C2CD2: variants seen among roughly 807,000 people sequenced by gnomAD.
C2CD2 encodes C2 domain-containing protein 2.
C2CD2 carries 43 observed loss-of-function variants against 74.3 expected under a neutral mutation model. The ratio of observed to expected loss-of-function variants is 0.58; its 90% CI spans 0.45 to 0.75. C2CD2 has a LOEUF of 0.75. Among genes scored for constraint, C2CD2 ranks in the 30% least tolerant of loss-of-function variants. The pLI, the probability that C2CD2 is intolerant of heterozygous loss-of-function variation, is 0.00. For synonymous variants in C2CD2, 422 were observed against 390.7 expected, an observed-to-expected ratio of 1.08 and a Z score of -0.94; for missense variants, 801 against 916.3, an observed-to-expected ratio of 0.87 and a Z score of 1.63.
At chr21:41,942,097 C>A (rs941583821) in intron 2 of C2CD2, 50 bp downstream of exon 2, 2 of 1,542,344 alleles carry the variant, frequency 1.3e-6, no homozygotes, top group African/African-American at 2.8e-5. Context: ...ACTCCCCGTC[C>A]CCGGCATCAA....
chr21:41,934,758 A>G (rs2065292238), intron 2 of C2CD2, among the ~76,000 whole-genome samples: 1 of 152,010 alleles, frequency 6.6e-6, no homozygotes, highest in African/African-American at 2.4e-5. Flanking sequence ...CTACCTTTAC[A>G]GGTGAGAAGC....
At chr21:41,953,340 G>T in intron 1 of C2CD2, 30 bp downstream of exon 1, 1 of 1,363,022 alleles carries the variant, frequency 7.3e-7, no homozygotes, top group Non-Finnish European at 9.6e-7. Context: ...GGCATCTGCC[G>T]CCCCCCGGCC....
intron 13 of C2CD2, chr21:41,894,685 G>A: frequency 2.2e-6 from 1 of 456,874 alleles, no homozygotes; most frequent in Non-Finnish European, 4.4e-6. Flanking sequence ...CAGGGGGCAG[G>A]GGAGGAGGAT....
chr21:41,925,730 C>T (rs1405763901), intron 2 of C2CD2, among the ~76,000 whole-genome samples: 1 of 152,186 alleles, frequency 6.6e-6, no homozygotes, highest in Non-Finnish European at 1.5e-5. Flanking sequence ...GGCAGGGCCC[C>T]CACGGGCTGA....
chr21:41,946,138 A>G (rs780275843), intron 1 of C2CD2, among the ~76,000 whole-genome samples: 5 of 152,198 alleles, frequency 3.3e-5, no homozygotes, highest in Non-Finnish European at 5.9e-5. Context: ...AGAGAACTGC[A>G]CCTGCGCCAT....
At chr21:41,928,806 T>G (rs2065239161) in intron 2 of C2CD2, among the ~76,000 whole-genome samples, 1 of 152,102 alleles carries the variant, frequency 6.6e-6, no homozygotes, top group African/African-American at 2.4e-5. Flanking sequence ...AGAGAGGATA[T>G]GGAATAAGGT....
At chr21:41,898,349 G>C (rs955894164) in intron 13 of C2CD2, among the ~76,000 whole-genome samples, 23 of 152,268 alleles carry the variant, frequency 1.5e-4, no homozygotes, top group African/African-American at 4.3e-4. Context: ...GCTGAGGCTC[G>C]GTGAGTCTCA....
chr21:41,890,500 A>T (rs559922459), intron 13 of C2CD2, among the ~76,000 whole-genome samples: 86 of 152,334 alleles, frequency 5.6e-4, no homozygotes, highest in Admixed American at 5.6e-3. Context: ...ACATCCTATT[A>T]ACCAAGGCTG....
Position 41,953,641 on chromosome 21 carries a change from A to T in C2CD2, c.8T>A (p.Met3Lys), listed in dbSNP as rs767787180. 7 of 1,466,650 alleles carry T rather than the reference A, an allele frequency of 4.8e-6. No individual in the cohort carries two copies. In the East Asian group the frequency reaches 1.2e-4, roughly 25 times the overall value. 90.9% of individuals were successfully genotyped at this position (1,466,650 alleles called of 1,614,324 possible). A position where few individuals can be genotyped will look rare whatever the true frequency, so the allele number is the denominator to read the frequency against. The change falls in exon 1 of 14, where the codon ATG (methionine) becomes AAG (lysine). Residue 3 changes from methionine to lysine, a missense_variant. Transcript: ENST00000380486. ...CCCGAGCCACGAGCCCAGCCGGGCCATGGCCATGGCGCATCCCCGGCCCGC... is the reference window on the plus strand; with the variant it reads ...CCCGAGCCACGAGCCCAGCCGGGCCTTGGCCATGGCGCATCCCCGGCCCGC... MA[M>K]ARLGSWLGEA...
rs59346777 is a variant in C2CD2 at position 41,928,544 on chromosome 21, C to CAAAAAAAAAAAAAAAAAA, written c.379-6477_379-6460dup. 1.1e-4 allele frequency among the ~76,000 whole-genome samples: 8 copies of CAAAAAAAAAAAAAAAAAA among 72,266 alleles called. 1 individual carries two copies. Among genetic ancestry groups the CAAAAAAAAAAAAAAAAAA allele is most frequent in the African/African-American group, 3.7e-4 (7 of 18,800 alleles). The allele number at this position is 72,266 out of a possible 152,430, so 47.4% of individuals were successfully genotyped here. A position where few individuals can be genotyped will look rare whatever the true frequency, so the allele number is the denominator to read the frequency against. Reference sequence around the variant, plus strand: ...GAATTTCAAATCATGTAAAGCAAAGCAAAAAAAAAAAAAAAAAAAAAAAAG... The same window carrying CAAAAAAAAAAAAAAAAAA: ...GAATTTCAAATCATGTAAAGCAAAGCAAAAAAAAAAAAAAAAAAAAAAAAAAAAAAAAAAAAAAAAAAG... On this transcript the variant is annotated intron_variant, in intron 2 of 13. Transcript: ENST00000380486.
chr21:41,894,752 C>G (rs1341753607), intron 13 of C2CD2: 2 of 456,792 alleles, frequency 4.4e-6, no homozygotes, highest in South Asian at 3.1e-5. Context: ...ATGGGAAAGC[C>G]TGTTTCGACT....
In C2CD2 at chr21:41,924,266, A is replaced by G. The variant is rs970362392; in HGVS notation, c.379-2181T>C. ...AGCCCTGGGTCCAGCTCTTCCCACC[A>G]GTGGCCCATCCCACTCTGGAACAAA... On this transcript the variant is annotated intron_variant, in intron 2 of 13. Transcript: ENST00000380486. This position sits in a 1 kb window ranked among gnomAD's most constrained non-coding sequence, Gnocchi z 4.4. Among the ~76,000 whole-genome samples, 2 of 152,200 alleles carry G rather than the reference A, an allele frequency of 1.3e-5. No individual in the cohort carries two copies. Among genetic ancestry groups the G allele is most frequent in the Non-Finnish European group, 2.9e-5 (2 of 68,032 alleles).
chr21:41,935,745 G>A (rs1356978363), intron 2 of C2CD2, among the ~76,000 whole-genome samples: 4 of 152,002 alleles, frequency 2.6e-5, no homozygotes, highest in African/African-American at 7.3e-5. Context: ...CCAGCTACTC[G>A]GGAGGCTGAG....
At chr21:41,950,088 G>C (rs190077990) in intron 1 of C2CD2, among the ~76,000 whole-genome samples, 38 of 151,316 alleles carry the variant, frequency 2.5e-4, no homozygotes, top group Non-Finnish European at 3.2e-4. Flanking sequence ...GTATACCTAT[G>C]TAACAACCTG....
At position 41,907,026 on chromosome 21, in the gene C2CD2, G is replaced by A. The variant is rs769197639; in HGVS notation, c.1284C>T (p.Arg428=). Residue 428 remains arginine, a synonymous_variant, in exon 10 of 14, where the codon CGC becomes CGT. Coordinates refer to ENST00000380486, the MANE Select transcript of C2CD2 (RefSeq NM_015500.2). The part of the protein sequence containing the change: ...TTVTAVKTKP[R]VDVGRASPLS... ...GCGGGGACGCCCTCCCCACGTCGAC[G>A]CGAGGCTTGGTCTTCACAGCAGTGA... is the stretch of plus-strand genomic sequence containing the variant. 27 of 1,613,890 alleles carry A rather than the reference G, an allele frequency of 1.7e-5. No homozygotes were observed. Among genetic ancestry groups the A allele is most frequent in the Admixed American group, 6.7e-5 (4 of 59,998 alleles).
chr21:41,915,459 CAG>C (rs1164096682), intron 5 of C2CD2, among the ~76,000 whole-genome samples: 1 of 150,378 alleles, frequency 6.6e-6, no homozygotes, highest in Non-Finnish European at 1.5e-5. Context: ...TTTTTTGAGA[CAG>C]AGTCTCGCTC....
At chr21:41,934,190 G>C (rs558930963) in intron 2 of C2CD2, among the ~76,000 whole-genome samples, 1 of 152,302 alleles carries the variant, frequency 6.6e-6, no homozygotes, top group African/African-American at 2.4e-5. Flanking sequence ...CACTTTGGGA[G>C]GCAGAAGACG....
rs2065245548 is a variant in C2CD2, at chr21:41,929,558, T to TC, written c.379-7474_379-7473insG. On this transcript the variant is annotated intron_variant, in intron 2 of 13. Transcript: ENST00000380486. This position sits in a 1 kb window ranked among gnomAD's most constrained non-coding sequence, Gnocchi z 4.6. The stretch of plus-strand genomic sequence containing the variant: ...TCTCCCTGGCTTCTGAGATGGGCCT[T>TC]TCCCCAGACTAGGTGGGTTATAACT... Among the ~76,000 whole-genome samples the TC allele has an allele frequency of 7.5e-6, 1 of 133,858 alleles. No homozygotes were observed. Among genetic ancestry groups the TC allele is most frequent in the South Asian group, 2.3e-4 (1 of 4,256 alleles). The allele number at this position is 133,858 out of a possible 152,430, so 87.8% of individuals were successfully genotyped here.
intron 1 of C2CD2, among the ~76,000 whole-genome samples, chr21:41,947,206 G>A (rs976474455): frequency 1.5e-5 from 2 of 134,228 alleles, no homozygotes; most frequent in Non-Finnish European, 3.1e-5. Flanking sequence ...TGCCCAGGCT[G>A]GAGTGCAATG....
Sources: gnomAD v4.1 joint callset for allele counts (sites outside exome capture counted in the v4.1 genomes callset) on GRCh38, gnomAD v4.1.1 for gene constraint, Gnocchi (gnomAD v3.1) non-coding constraint, MANE v1.5 for transcripts, NCBI Gene and HGNC (gene_info 2026-07-23, HGNC 2026-07-21) for gene names.